FBLN7: variants seen among roughly 807,000 people sequenced by gnomAD.
FBLN7 encodes fibulin-7.
A neutral mutation model predicts 44.0 loss-of-function variants in FBLN7; 31 were observed. The observed-to-expected ratio is 0.70, with a 90% CI of 0.53 to 0.95. The LOEUF (loss-of-function observed/expected upper bound fraction) is 0.95, where lower values mean the gene tolerates loss of function less well. Ranked by LOEUF, FBLN7 falls within the 40% of genes least tolerant of loss-of-function variation. The pLI is 0.00. For missense variants in FBLN7, 573 were observed against 618.5 expected (o/e 0.93, Z 0.78); for synonymous variants, 262 against 253.4 (o/e 1.03, Z -0.32).
intron 1 of FBLN7, among the ~76,000 whole-genome samples, chr2:112,141,730 A>T (rs1207361748): frequency 2.0e-5 from 3 of 152,142 alleles, no homozygotes; most frequent in Non-Finnish European, 4.4e-5. Context: ...CGTGGACAGG[A>T]TGTGTGATGA....
At chr2:112,184,722 T>TATATGAATATGGTATATGTATAC (rs1558897185) in intron 6 of FBLN7, among the ~76,000 whole-genome samples, 58 of 136,928 alleles carry the variant, frequency 4.2e-4, no homozygotes, top group African/African-American at 1.2e-3. Flanking sequence ...TATATGTATA[T>TATATGAATATGGTATATGTATAC]ATATGTATAT....
the FBLN7 span, among the ~76,000 whole-genome samples, chr2:112,219,422 C>A: frequency 3.9e-5 from 6 of 152,132 alleles, no homozygotes; most frequent in Non-Finnish European, 8.8e-5. Flanking sequence ...ACAACATACA[C>A]AAATTAGCAC....
At chr2:112,172,914 G>A (rs111399119) in intron 3 of FBLN7, among the ~76,000 whole-genome samples, 13,726 of 152,206 alleles carry the variant, frequency 0.09, 1,816 homozygotes, top group African/African-American at 0.29. Context: ...GATTACAGGT[G>A]TGAGCCACCA....
intron 5 of FBLN7, 142 bp from the exon 6 acceptor site, chr2:112,182,649 A>T: frequency 1.1e-6 from 1 of 935,980 alleles, no homozygotes; most frequent in South Asian, 1.8e-5. Flanking sequence ...TGCTGGGGGT[A>T]GGGCATGGCG....
chr2:112,243,742 T>A, the FBLN7 span, among the ~76,000 whole-genome samples: 1 of 152,138 alleles, frequency 6.6e-6, no homozygotes, highest in Non-Finnish European at 1.5e-5. Flanking sequence ...CTTAAAAACC[T>A]AAAATATTTA....
intron 2 of FBLN7, among the ~76,000 whole-genome samples, chr2:112,160,747 CGCACGCACACACGCACGCACACGCAG>C (rs1558880023): frequency 4.7e-4 from 44 of 93,286 alleles, no homozygotes; most frequent in Middle Eastern, 8.3e-3. Context: ...CGCACACACG[CGCACGCACACACGCACGCACACGCAG>C]ACGCACACGC....
In FBLN7 at chr2:112,158,150, G is replaced by T. The variant is rs552233873; in HGVS notation, c.76-1526G>T. On this transcript the variant is annotated intron_variant, in intron 1 of 7. Transcript: ENST00000331203. ...CTGACCTTGTGATCCGCCCGCCTCGGCCTCCCAAAGTGCTGGGATTACAGG... is the reference window on the plus strand; with the variant it reads ...CTGACCTTGTGATCCGCCCGCCTCGTCCTCCCAAAGTGCTGGGATTACAGG... Among the ~76,000 whole-genome samples, 158 of 146,196 alleles carry T rather than the reference G, an allele frequency of 1.1e-3. 1 individual carries two copies. The highest frequency in any genetic ancestry group is 1.9e-3 in the Non-Finnish European group (129 of 66,576).
At chr2:112,181,624 A>G in intron 4 of FBLN7, 115 bp from the exon 5 acceptor site, 1 of 1,220,758 alleles carries the variant, frequency 8.2e-7, no homozygotes, top group Non-Finnish European at 1.1e-6. Context: ...CTCCAGAGTA[A>G]GCCCTTTGAG....
chr2:112,142,802 CTG>C (rs1680716520), intron 1 of FBLN7, among the ~76,000 whole-genome samples: 1 of 151,754 alleles, frequency 6.6e-6, no homozygotes, highest in African/African-American at 2.4e-5. Flanking sequence ...GTATGTGTCT[CTG>C]TGTGTGGTTG....
the FBLN7 span, among the ~76,000 whole-genome samples, chr2:112,240,781 G>A: frequency 6.6e-5 from 10 of 152,120 alleles, no homozygotes; most frequent in Admixed American, 2.0e-4. Context: ...CACTTAGCTA[G>A]CTATAAACTC....
At chr2:112,160,054 G>C (rs569489764) in intron 2 of FBLN7, among the ~76,000 whole-genome samples, 1 of 151,940 alleles carries the variant, frequency 6.6e-6, no homozygotes, top group Non-Finnish European at 1.5e-5. Context: ...GCAGTGGCGC[G>C]ATCTCGGCTC....
At chr2:112,160,686 G>GCA (rs1389788181) in intron 2 of FBLN7, among the ~76,000 whole-genome samples, 2 of 130,844 alleles carry the variant, frequency 1.5e-5, no homozygotes, top group Non-Finnish European at 3.2e-5. Flanking sequence ...GCAGACGCAC[G>GCA]CACACGCACA....
At chr2:112,200,857 C>G in the FBLN7 span, among the ~76,000 whole-genome samples, 8 of 152,080 alleles carry the variant, frequency 5.3e-5, no homozygotes, top group African/African-American at 1.9e-4. Flanking sequence ...TTTTTAAAAT[C>G]CTATTTATTC....
rs1210818095 is a variant in FBLN7 at position 112,181,824 on chromosome 2, C to T, written c.618C>T (p.Ser206=). The T allele has an allele frequency of 2.0e-6, 3 of 1,520,692 alleles. No individual in the cohort carries two copies. Among genetic ancestry groups the T allele is most frequent in the Non-Finnish European group, 2.6e-6 (3 of 1,140,554 alleles). 94.2% of individuals were successfully genotyped at this position (1,520,692 alleles called of 1,614,324 possible). The part of the protein sequence containing the change: ...CAQVERAQHC[S]CEAGFHLSGA... The stretch of plus-strand genomic sequence containing the variant: ...AGGTGGAGCGGGCTCAGCACTGCAG[C>T]TGCGAGGCCGGATTCCACCTGAGCG... Residue 206 remains serine, a synonymous_variant, in exon 5 of 8, where the codon AGC becomes AGT. Coordinates refer to ENST00000331203, the MANE Select transcript of FBLN7 (RefSeq NM_153214.3).
At chr2:112,230,975 ATC>A in the FBLN7 span, 1 of 1,207,572 alleles carries the variant, frequency 8.3e-7, no homozygotes, top group African/African-American at 1.6e-5. Flanking sequence ...AAATCACATA[ATC>A]ATTTTTATGC....
intron 7 of FBLN7, among the ~76,000 whole-genome samples, chr2:112,185,933 G>T (rs1466511400): frequency 6.7e-6 from 1 of 150,342 alleles, no homozygotes. Flanking sequence ...CTATCACAAA[G>T]CACATACATT....
At chr2:112,192,461 C>T (rs751062619), downstream of FBLN7, among the ~76,000 whole-genome samples, 2 of 152,176 alleles carry the variant, frequency 1.3e-5, no homozygotes, top group Non-Finnish European at 2.9e-5. Context: ...TATCAGTCAG[C>T]TGCCACCAGG....
At chr2:112,180,278 C>G (rs1360484703) in intron 4 of FBLN7, among the ~76,000 whole-genome samples, 1 of 152,108 alleles carries the variant, frequency 6.6e-6, no homozygotes, top group Non-Finnish European at 1.5e-5. Flanking sequence ...CAAATCAAAA[C>G]TATCTGGTAT....
chr2:112,193,476 C>T, the FBLN7 span, among the ~76,000 whole-genome samples: 2 of 152,054 alleles, frequency 1.3e-5, no homozygotes, highest in Non-Finnish European at 2.9e-5. Context: ...ATGAAGAGAG[C>T]CTATGCACAT....
Sources: allele counts gnomAD v4.1 joint callset (sites outside exome capture counted in the v4.1 genomes callset), GRCh38; gene constraint gnomAD v4.1.1; transcripts MANE v1.5; gene names NCBI Gene and HGNC (gene_info 2026-07-23, HGNC 2026-07-21).